Variants in ABCD2 observed in about 807,000 individuals in gnomAD.
ABCD2 encodes the protein ATP-binding cassette sub-family D member 2.
Under a neutral mutation model 70.9 loss-of-function variants are expected in ABCD2, and 36 were observed. That is an observed-to-expected ratio of 0.51 (90% CI 0.39 to 0.67). The LOEUF is 0.67. Among genes scored for constraint, ABCD2 ranks in the 30% least tolerant of loss-of-function variants. The probability of loss-of-function intolerance (pLI) is 0.00; values close to 1 mark genes in which losing one functional copy is unlikely to be tolerated. For missense variants in ABCD2, 729 were observed against 890.2 expected, an observed-to-expected ratio of 0.82 and a Z score of 2.30; for synonymous variants, 304 against 306.9, an observed-to-expected ratio of 0.99 and a Z score of 0.10.
Position 39,551,599 on chromosome 12 carries a change from G to T in ABCD2, c.*2313C>A, listed in dbSNP as rs1016071544. On this transcript the variant is annotated 3_prime_UTR_variant, in exon 10 of 10. Transcript: ENST00000308666. ...AAAAATAAATTCAGAAAACAAATAG[G>T]CACAAAAAGCTCATGGAAAACATGT... 1.3e-5 allele frequency: 2 copies of T among 151,566 alleles called. No homozygotes were observed. Among genetic ancestry groups the T allele is most frequent in the Non-Finnish European group, 3.0e-5 (2 of 67,648 alleles). The allele number at this position is 151,566 out of a possible 1,614,324, so 9.4% of individuals were successfully genotyped here.
At chr12:39,568,449 C>T (rs572594772) in intron 9 of ABCD2, among the ~76,000 whole-genome samples, 6 of 152,118 alleles carry the variant, frequency 3.9e-5, no homozygotes, top group South Asian at 2.1e-4. Flanking sequence ...TCACCATGTT[C>T]ATTCTCGTGC....
chr12:39,611,094 T>C (rs1352139276), intron 2 of ABCD2, among the ~76,000 whole-genome samples: 1 of 152,214 alleles, frequency 6.6e-6, no homozygotes, highest in Non-Finnish European at 1.5e-5. Context: ...AAAGAGTACA[T>C]ATTGAAAATT....
intron 2 of ABCD2, among the ~76,000 whole-genome samples, chr12:39,611,110 CAT>C (rs1263239905): frequency 2.0e-5 from 3 of 152,132 alleles, no homozygotes; most frequent in African/African-American, 7.2e-5. Flanking sequence ...AAATTGGTCA[CAT>C]GTCTTGTTAT....
At chr12:39,567,323 G>A (rs1366644790) in intron 9 of ABCD2, among the ~76,000 whole-genome samples, 2 of 152,052 alleles carry the variant, frequency 1.3e-5, no homozygotes, top group Non-Finnish European at 2.9e-5. Flanking sequence ...TTCTGTATTG[G>A]GTGCATATAT....
downstream of ABCD2, chr12:39,549,929 A>G (rs1941064860): frequency 6.6e-6 from 1 of 151,816 alleles, no homozygotes; most frequent in African/African-American, 2.4e-5. Flanking sequence ...CTGTAAATGC[A>G]ATGATTTGTG....
chr12:39,569,479 G>A (rs911942224), intron 9 of ABCD2, among the ~76,000 whole-genome samples: 27 of 152,310 alleles, frequency 1.8e-4, no homozygotes, highest in African/African-American at 5.5e-4. Context: ...TTGGAAAAGC[G>A]CAGTATTAGG....
downstream of ABCD2, among the ~76,000 whole-genome samples, chr12:39,547,226 T>A (rs1200365585): frequency 2.0e-5 from 3 of 152,088 alleles, no homozygotes; most frequent in African/African-American, 4.8e-5. Context: ...TTGGAGCCCT[T>A]GTGCACTGTT....
the ABCD2 span, among the ~76,000 whole-genome samples, chr12:39,532,804 T>C: frequency 1.1e-4 from 17 of 152,264 alleles, no homozygotes; most frequent in African/African-American, 3.9e-4. Context: ...ATAAAATGTT[T>C]TTAAGTTACA....
chr12:39,581,480 T>TCATTTG (rs1941594755), intron 7 of ABCD2, among the ~76,000 whole-genome samples: 2 of 152,138 alleles, frequency 1.3e-5, no homozygotes, highest in African/African-American at 4.8e-5. Flanking sequence ...ATCCTTAAAA[T>TCATTTG]TTTATGTTAG....
chr12:39,601,400 T>C (rs1314638020), intron 5 of ABCD2, among the ~76,000 whole-genome samples: 1 of 151,062 alleles, frequency 6.6e-6, no homozygotes, highest in Non-Finnish European at 1.5e-5. Flanking sequence ...TATATATATA[T>C]AATATTCATA....
At chr12:39,593,009 A>G (rs1455817264) in intron 6 of ABCD2, among the ~76,000 whole-genome samples, 1 of 152,244 alleles carries the variant, frequency 6.6e-6, no homozygotes, top group Admixed American at 6.5e-5. Flanking sequence ...GATCTCACTG[A>G]GAATACTTTA....
At chr12:39,537,151 C>T in the ABCD2 span, among the ~76,000 whole-genome samples, 1 of 152,138 alleles carries the variant, frequency 6.6e-6, no homozygotes, top group Admixed American at 6.6e-5. Flanking sequence ...CCTCCGCACT[C>T]TAGACACACA....
intron 7 of ABCD2, among the ~76,000 whole-genome samples, chr12:39,582,979 C>T (rs1941617027): frequency 6.6e-6 from 1 of 151,974 alleles, no homozygotes; most frequent in African/African-American, 2.4e-5. Context: ...CCCACCTCAG[C>T]CTCCCAAATA....
chr12:39,544,708 A>T, the ABCD2 span, among the ~76,000 whole-genome samples: 1 of 152,122 alleles, frequency 6.6e-6, no homozygotes, highest in Non-Finnish European at 1.5e-5. Context: ...AAGGCTGTGG[A>T]TCGCTCTGGC....
At chr12:39,599,540 T>C (rs968513255) in intron 6 of ABCD2, among the ~76,000 whole-genome samples, 1 of 152,246 alleles carries the variant, frequency 6.6e-6, no homozygotes, top group Non-Finnish European at 1.5e-5. Context: ...TCATTGCTCA[T>C]GTCCAGCATT....
At chr12:39,612,840 A>T (rs949540244) in intron 2 of ABCD2, among the ~76,000 whole-genome samples, 1 of 152,226 alleles carries the variant, frequency 6.6e-6, no homozygotes, top group Non-Finnish European at 1.5e-5. Context: ...ACATTTTAGG[A>T]ATAAAAGCAT....
intron 7 of ABCD2, among the ~76,000 whole-genome samples, chr12:39,582,669 T>C (rs1309284196): frequency 3.9e-5 from 6 of 152,174 alleles, no homozygotes; most frequent in Non-Finnish European, 7.3e-5. Context: ...AAAATCAATC[T>C]GCTTTCCATA....
At chr12:39,613,587 G>A (rs1942077180) in intron 2 of ABCD2, among the ~76,000 whole-genome samples, 1 of 152,040 alleles carries the variant, frequency 6.6e-6, no homozygotes, top group Non-Finnish European at 1.5e-5. Context: ...TGGTTACTCT[G>A]CCTCAAACTT....
At chr12:39,565,303 A>C (rs1043130880) in intron 9 of ABCD2, among the ~76,000 whole-genome samples, 4 of 151,916 alleles carry the variant, frequency 2.6e-5, no homozygotes, top group African/African-American at 4.8e-5. Context: ...CTTTTATTTC[A>C]TTGAGCAGTG....
Sources: gnomAD v4.1 joint callset for allele counts (sites outside exome capture counted in the v4.1 genomes callset) on GRCh38, gnomAD v4.1.1 for gene constraint, MANE v1.5 for transcripts, NCBI Gene and HGNC (gene_info 2026-07-23, HGNC 2026-07-21) for gene names.